HFM1: variants seen among roughly 807,000 people sequenced by gnomAD.
HFM1 encodes helicase for meiosis 1.
HFM1 carries 169 observed loss-of-function variants against 192.1 expected under a neutral mutation model. That is an observed-to-expected ratio of 0.88 (90% CI 0.78 to 1.00). HFM1 has a LOEUF of 1.00. Ranked by LOEUF, HFM1 falls within the 50% of genes least tolerant of loss-of-function variation. HFM1 has a pLI of 0.00. For synonymous variants in HFM1, 525 were observed against 537.8 expected (o/e 0.98, Z 0.33); for missense variants, 1,661 against 1,668.0 (o/e 1.00, Z 0.07).
In HFM1 at chr1:91,315,847, T is replaced by C. The variant is rs1651114998; in HGVS notation, c.3108A>G (p.Ala1036=). The C allele has an allele frequency of 2.5e-6, 4 of 1,610,544 alleles. No homozygotes were observed. In the East Asian group the frequency reaches 8.9e-5, roughly 36 times the overall value. The change falls in exon 28 of 39, where the codon GCA becomes GCG. Residue 1036 remains alanine (A), a synonymous_variant. Transcript: ENST00000370425. ...TGTGCAGATAAACTACTTGATTATC[T>C]GCGTCACCTATGATTAAGGTAACAT... ...SHYVTLIIGD[A]DNQVVYLHKI...
intron 9 of HFM1, 62 bp downstream of exon 9, chr1:91,379,001 G>A: frequency 2.0e-6 from 2 of 1,019,598 alleles, no homozygotes; most frequent in Non-Finnish European, 2.8e-6. Context: ...TTTTATCTCA[G>A]TAAAGAAAAA....
At position 91,324,692 on chromosome 1, in the gene HFM1, CT is replaced by C; in HGVS notation, c.2409del (p.Glu804LysfsTer9). 1 of 1,482,832 alleles carries C rather than the reference CT, an allele frequency of 6.7e-7. No individual in the cohort carries two copies. The allele number at this position is 1,482,832 out of a possible 1,614,324, so 91.9% of individuals were successfully genotyped here. On this transcript the variant is annotated frameshift_variant, in exon 21 of 39. Transcript: ENST00000370425. LOFTEE classifies it high-confidence loss of function. ...TAATTTACCAGATCTGATAAGGTTT[CT>C]TTTCCACTGATTGTATAAAATTTCT... Reference protein sequence around the residue: ...TVKKFYTISGKETLSDLVTLI... With the variant: ...TVKKFYTISGXETLSDLVTLI...
Position 91,404,808 on chromosome 1 carries a change from A to C in HFM1, c.-38T>G. ...GGCCCCTCTCCTCACCTCCCTGCGG[A>C]CAGCTCCTAGGCCAGTCGAGCGCCG... On this transcript the variant is annotated 5_prime_UTR_variant, in exon 1 of 39. Coordinates refer to ENST00000370425, the MANE Select transcript of HFM1 (RefSeq NM_001017975.6). 1 of 453,416 alleles carries C rather than the reference A, an allele frequency of 2.2e-6. No individual in the cohort carries two copies. The highest frequency in any genetic ancestry group is 3.3e-4 in the Middle Eastern group (1 of 3,062). The allele number at this position is 453,416 out of a possible 1,614,324, so 28.1% of individuals were successfully genotyped here. A position where few individuals can be genotyped will look rare whatever the true frequency, so the allele number is the denominator to read the frequency against.
chr1:91,318,915 G>T (rs1289988257), intron 25 of HFM1, among the ~76,000 whole-genome samples, 163 bp downstream of exon 25: 2 of 152,078 alleles, frequency 1.3e-5, no homozygotes, highest in Non-Finnish European at 2.9e-5. Flanking sequence ...CCTTTAAGCA[G>T]GAGCAAAGGA....
chr1:91,399,699 T>C (rs957579848), intron 2 of HFM1, among the ~76,000 whole-genome samples: 1 of 152,200 alleles, frequency 6.6e-6, no homozygotes, highest in African/African-American at 2.4e-5. Flanking sequence ...TCTCTTTCTA[T>C]AGGAATTATC....
intron 20 of HFM1, among the ~76,000 whole-genome samples, chr1:91,325,168 A>T (rs1377208497): frequency 1.3e-5 from 2 of 152,232 alleles, no homozygotes; most frequent in Non-Finnish European, 2.9e-5. Context: ...ATAAGCTGAC[A>T]GAAGAGCCCT....
intron 20 of HFM1, among the ~76,000 whole-genome samples, chr1:91,337,264 C>G (rs1372827966): frequency 6.6e-6 from 1 of 152,108 alleles, no homozygotes. Context: ...GAGCCCTTCT[C>G]TCAGTACACA....
At chr1:91,325,403 C>G (rs1489819058) in intron 20 of HFM1, among the ~76,000 whole-genome samples, 3 of 152,188 alleles carry the variant, frequency 2.0e-5, no homozygotes, top group Non-Finnish European at 4.4e-5. Context: ...ACAGTCCCAG[C>G]CCACAGGAGT....
chr1:91,375,742 AAT>A lies in HFM1; in HGVS notation c.1396-17_1396-16del, dbSNP rs779766132. On this transcript the variant is annotated splice_polypyrimidine_tract_variant and intron_variant, in intron 11 of 38. Transcript: ENST00000370425. ...CATTCTGCAATCTTTGAAACACAAAAATATGTGCATTAAAATTTTCTTCTAGT... is the reference window on the plus strand; with the variant it reads ...CATTCTGCAATCTTTGAAACACAAAAATGTGCATTAAAATTTTCTTCTAGT... 4 of 1,609,314 alleles carry A rather than the reference AAT, an allele frequency of 2.5e-6. No individual in the cohort carries two copies. Among genetic ancestry groups the A allele is most frequent in the African/African-American group, 1.3e-5 (1 of 74,730 alleles).
chr1:91,274,787 C>A lies in HFM1; in HGVS notation c.3611G>T (p.Ser1204Ile), dbSNP rs375403709. The A allele has an allele frequency of 1.3e-6, 2 of 1,571,106 alleles. No individual in the cohort carries two copies. The highest frequency in any genetic ancestry group is 1.7e-6 in the Non-Finnish European group (2 of 1,143,714). ...RLKIQMNKSQ[S>I]VDLKEFGFTP... Reference sequence around the variant, plus strand: ...AAAACCAAACTCTTTAAGGTCCACACTTTGAGATTTATTCATCTGTATCTA... The same window carrying A: ...AAAACCAAACTCTTTAAGGTCCACAATTTGAGATTTATTCATCTGTATCTA... Residue 1204 changes from serine to isoleucine, a missense_variant, in exon 33 of 39, where the codon AGT (serine) becomes ATT (isoleucine). Coordinates refer to ENST00000370425, the MANE Select transcript of HFM1 (RefSeq NM_001017975.6).
At chr1:91,404,422 T>A (rs1664644065) in intron 1 of HFM1, among the ~76,000 whole-genome samples, 2 of 151,580 alleles carry the variant, frequency 1.3e-5, no homozygotes, top group South Asian at 4.2e-4. Flanking sequence ...GATGGGTACG[T>A]CCCCCCCAGC....
At chr1:91,394,435 T>C (rs1326055774) in intron 3 of HFM1, 33 bp from the exon 4 acceptor site, 4 of 1,208,872 alleles carry the variant, frequency 3.3e-6, no homozygotes, top group African/African-American at 1.5e-5. Flanking sequence ...TTATTACATG[T>C]TCTCCATTAA....
At chr1:91,296,016 C>T (rs1329411025) in intron 30 of HFM1, among the ~76,000 whole-genome samples, 1 of 152,104 alleles carries the variant, frequency 6.6e-6, no homozygotes, top group East Asian at 1.9e-4. Flanking sequence ...GCAAGCTCTG[C>T]CTCCCAGGTT....
intron 13 of HFM1, among the ~76,000 whole-genome samples, chr1:91,358,616 T>C (rs1658059485): frequency 6.6e-6 from 1 of 152,160 alleles, no homozygotes; most frequent in Non-Finnish European, 1.5e-5. Flanking sequence ...ATTGCACCCT[T>C]ATACCATACA....
chr1:91,291,732 G>T (rs540030194), intron 30 of HFM1, among the ~76,000 whole-genome samples: 15 of 150,956 alleles, frequency 9.9e-5, no homozygotes, highest in Non-Finnish European at 1.3e-4. Context: ...TACCAAAGAC[G>T]GGCAGAGACA....
intron 13 of HFM1, among the ~76,000 whole-genome samples, chr1:91,361,899 T>C (rs1658567177): frequency 6.6e-6 from 1 of 152,182 alleles, no homozygotes; most frequent in African/African-American, 2.4e-5. Flanking sequence ...TGGTTCAATG[T>C]ACACAAACCA....
intron 6 of HFM1, among the ~76,000 whole-genome samples, chr1:91,384,363 T>G (rs1350630026): frequency 2.0e-5 from 3 of 152,130 alleles, no homozygotes; most frequent in African/African-American, 7.2e-5. Context: ...ACACAGGGTA[T>G]TAAAGAAGCA....
chr1:91,285,432 C>G (rs576394745), intron 30 of HFM1, among the ~76,000 whole-genome samples: 3 of 152,238 alleles, frequency 2.0e-5, no homozygotes, highest in East Asian at 3.9e-4. Context: ...TTTAATAACA[C>G]CATTTGACAA....
chr1:91,385,798 A>G lies in HFM1; in HGVS notation c.531T>C (p.Ala177=). ...AGTCCAATTCATTGTCATTAGAATA[A>G]GCACTCCCATGTATATTGTCAGATA... ...FKISDNIHGS[A]YSNDNELDSH... The change falls in exon 5 of 39, where the codon GCT becomes GCC. Residue 177 remains alanine, a synonymous_variant. Coordinates refer to ENST00000370425, the MANE Select transcript of HFM1 (RefSeq NM_001017975.6). 6.2e-7 allele frequency: 1 copy of G among 1,608,064 alleles called. No individual in the cohort carries two copies. Among genetic ancestry groups the G allele is most frequent in the Non-Finnish European group, 8.5e-7 (1 of 1,174,648 alleles).
Sources: allele counts gnomAD v4.1 joint callset (sites outside exome capture counted in the v4.1 genomes callset), GRCh38; gene constraint gnomAD v4.1.1; transcripts MANE v1.5; gene names NCBI Gene and HGNC (gene_info 2026-07-23, HGNC 2026-07-21).